The following GPC5 variants were observed in gnomAD, a reference collection of about 807,000 sequenced individuals.
The protein encoded by GPC5 is glypican-5.
In GPC5, 47 loss-of-function variants were observed where a neutral mutation model predicts 53.9. The observed-to-expected ratio is 0.87, with a 90% confidence interval of 0.69 to 1.11. The LOEUF is 1.11. Among genes scored for constraint, GPC5 ranks in the 50% most tolerant of loss-of-function variants. The pLI, the probability that GPC5 is intolerant of heterozygous loss-of-function variation, is 0.00. For missense variants in GPC5, 748 were observed against 713.1 expected, an observed-to-expected ratio of 1.05 and a Z score of -0.56; for synonymous variants, 286 against 263.3, an observed-to-expected ratio of 1.09 and a Z score of -0.84.
At chr13:92,725,423 G>GA (rs1276375576) in intron 7 of GPC5, among the ~76,000 whole-genome samples, 1 of 151,204 alleles carries the variant, frequency 6.6e-6, no homozygotes, top group Non-Finnish European at 1.5e-5. Context: ...TTTATGACTT[G>GA]AAAAAAACAC....
chr13:92,300,911 C>G (rs2139197271), intron 7 of GPC5, among the ~76,000 whole-genome samples: 1 of 152,116 alleles, frequency 6.6e-6, no homozygotes, highest in East Asian at 1.9e-4. Context: ...GTAATGTGGT[C>G]CCAATATAGA....
At chr13:92,695,645 A>G (rs1887535483) in intron 7 of GPC5, among the ~76,000 whole-genome samples, 1 of 151,670 alleles carries the variant, frequency 6.6e-6, no homozygotes, top group African/African-American at 2.4e-5. Context: ...CATACAACAG[A>G]CTTTTGGTAG....
chr13:91,507,669 C>T (rs1484800232), intron 2 of GPC5, among the ~76,000 whole-genome samples: 1 of 152,162 alleles, frequency 6.6e-6, no homozygotes, highest in Non-Finnish European at 1.5e-5. Flanking sequence ...CAAACAATAT[C>T]ACAGCCACAC....
chr13:92,587,132 A>C (rs925973481), intron 7 of GPC5, among the ~76,000 whole-genome samples: 2 of 152,158 alleles, frequency 1.3e-5, no homozygotes, highest in African/African-American at 4.8e-5. Flanking sequence ...TTGTACTCCT[A>C]AGTAAAATGT....
rs142460901 is a variant in GPC5 at position 92,131,273 on chromosome 13, C to T, written c.1402-13557C>T. ...AAAACCATATTGAAAATTTGTTTGG[C>T]GATATCTACTAAAGTTAAATGTATA... On this transcript the variant is annotated intron_variant, in intron 6 of 7. Transcript: ENST00000377067. Among the ~76,000 whole-genome samples the T allele has an allele frequency of 4.3e-3, 656 of 151,994 alleles. 2 individuals carry two copies. Among genetic ancestry groups the T allele is most frequent in the African/African-American group, 0.012 (504 of 41,526 alleles).
At chr13:91,501,240 GTT>G (rs140865584) in intron 2 of GPC5, among the ~76,000 whole-genome samples, 4,338 of 106,358 alleles carry the variant, frequency 0.041, 159 homozygotes, top group African/African-American at 0.12. Context: ...TTAAGACTTT[GTT>G]TTTTTTTTTT....
intron 7 of GPC5, among the ~76,000 whole-genome samples, chr13:92,717,625 A>G (rs1379188531): frequency 6.6e-6 from 1 of 152,188 alleles, no homozygotes; most frequent in African/African-American, 2.4e-5. Context: ...AGCTTCATTA[A>G]ACATAATGTA....
chr13:92,830,767 A>C (rs1878019602), intron 7 of GPC5, among the ~76,000 whole-genome samples: 1 of 152,184 alleles, frequency 6.6e-6, no homozygotes, highest in South Asian at 2.1e-4. Flanking sequence ...AAAAGACGTT[A>C]GGCTATGAAA....
At chr13:92,607,198 T>A (rs1884286659) in intron 7 of GPC5, among the ~76,000 whole-genome samples, 2 of 152,104 alleles carry the variant, frequency 1.3e-5, no homozygotes, top group South Asian at 4.1e-4. Flanking sequence ...TTGGGCAACT[T>A]TTTTGTCCTT....
At chr13:92,683,884 A>G (rs943242502) in intron 7 of GPC5, among the ~76,000 whole-genome samples, 1 of 152,192 alleles carries the variant, frequency 6.6e-6, no homozygotes, top group African/African-American at 2.4e-5. Flanking sequence ...TACATTTGTT[A>G]CAAGTGATGA....
At chr13:92,415,808 A>G (rs1055980111) in intron 7 of GPC5, among the ~76,000 whole-genome samples, 2 of 152,222 alleles carry the variant, frequency 1.3e-5, no homozygotes, top group African/African-American at 2.4e-5. Context: ...ATCAAGAAAG[A>G]TGAACCAATT....
chr13:91,787,123 G>A (rs1255823639), intron 5 of GPC5, among the ~76,000 whole-genome samples: 3 of 151,940 alleles, frequency 2.0e-5, no homozygotes, highest in African/African-American at 7.3e-5. Context: ...TTTCTATGTA[G>A]ACAATCATAT....
chr13:91,600,024 C>T (rs565869348), intron 2 of GPC5, among the ~76,000 whole-genome samples: 3 of 152,106 alleles, frequency 2.0e-5, no homozygotes, highest in Non-Finnish European at 2.9e-5. Context: ...TGGGTTCAAG[C>T]AATTCTCTGC....
intron 7 of GPC5, among the ~76,000 whole-genome samples, chr13:92,332,608 TAAC>T (rs2043296036): frequency 6.6e-6 from 1 of 152,172 alleles, no homozygotes; most frequent in African/African-American, 2.4e-5. Flanking sequence ...CATATGTTAA[TAAC>T]TATTAATGCT....
intron 6 of GPC5, among the ~76,000 whole-genome samples, chr13:92,065,327 A>G (rs1207875930): frequency 6.6e-6 from 1 of 152,190 alleles, no homozygotes; most frequent in Non-Finnish European, 1.5e-5. Flanking sequence ...TGCTTGAATG[A>G]AATTACTTCC....
At chr13:92,064,706 A>G (rs1424012747) in intron 6 of GPC5, among the ~76,000 whole-genome samples, 1 of 148,620 alleles carries the variant, frequency 6.7e-6, no homozygotes, top group East Asian at 2.0e-4. Context: ...GCAGTGAGCC[A>G]AGATCGCGCC....
chr13:92,810,050 A>G (rs1309499680), intron 7 of GPC5, among the ~76,000 whole-genome samples: 2 of 152,126 alleles, frequency 1.3e-5, no homozygotes, highest in Admixed American at 1.3e-4. Flanking sequence ...TTATATTGGT[A>G]TCACATAATG....
At chr13:92,812,528 A>G (rs1260018359) in intron 7 of GPC5, among the ~76,000 whole-genome samples, 1 of 151,876 alleles carries the variant, frequency 6.6e-6, no homozygotes, top group African/African-American at 2.4e-5. Flanking sequence ...TAGAAATAGG[A>G]ATTTCTTGAA....
chr13:91,866,088 G>A (rs761902633), intron 5 of GPC5, among the ~76,000 whole-genome samples: 1 of 152,014 alleles, frequency 6.6e-6, no homozygotes, highest in African/African-American at 2.4e-5. Context: ...GGCTGGTCTC[G>A]AACTCCCGAC....
Sources: gnomAD v4.1 joint callset for allele counts (sites outside exome capture counted in the v4.1 genomes callset) on GRCh38, gnomAD v4.1.1 for gene constraint, MANE v1.5 for transcripts, NCBI Gene and HGNC (gene_info 2026-07-23, HGNC 2026-07-21) for gene names.